The following RBFOX1 variants were observed in gnomAD, a reference collection of about 807,000 sequenced individuals.
RBFOX1 encodes the protein RNA binding protein fox-1 homolog 1.
Under a neutral mutation model 57.7 loss-of-function variants are expected in RBFOX1, and 8 were observed. That is an observed-to-expected ratio of 0.14 (90% confidence interval 0.08 to 0.25). The LOEUF (loss-of-function observed/expected upper bound fraction) is 0.25. Ranked by LOEUF, RBFOX1 falls within the 10% of genes least tolerant of loss-of-function variation. RBFOX1 has a pLI of 1.00. For missense variants in RBFOX1, 611 were observed against 548.5 expected, an observed-to-expected ratio of 1.11 and a Z score of -1.14; for synonymous variants, 326 against 222.4, an observed-to-expected ratio of 1.47 and a Z score of -4.15.
intron 3 of RBFOX1, among the ~76,000 whole-genome samples, chr16:5,681,118 G>T (rs1057117252): frequency 2.0e-5 from 3 of 152,030 alleles, no homozygotes; most frequent in African/African-American, 7.3e-5. Context: ...CTGTCACCCA[G>T]TCTGGAGTGC....
In RBFOX1 at chr16:6,472,067, T is replaced by A. The variant is rs1235024753; in HGVS notation, c.-64+155010T>A. Among the ~76,000 whole-genome samples, 3 of 152,210 alleles carry A rather than the reference T, an allele frequency of 2.0e-5. No homozygotes were observed. The East Asian group carries it at 5.8e-4, about 29-fold the overall frequency. ...CCCCATTCTTTCTCTATATACTGTTTCGCTGACTAGTCATCAGACTCTACC... is the reference window on the plus strand; with the variant it reads ...CCCCATTCTTTCTCTATATACTGTTACGCTGACTAGTCATCAGACTCTACC... On this transcript the variant is annotated intron_variant, in intron 2 of 15. Transcript: ENST00000550418.
intron 4 of RBFOX1, among the ~76,000 whole-genome samples, chr16:7,097,454 G>A (rs1414400024): frequency 1.3e-5 from 2 of 152,280 alleles, no homozygotes; most frequent in South Asian, 2.1e-4. Context: ...AAAGAGAGAA[G>A]AACCCTACAG....
At chr16:6,081,948 C>T (rs1320441630) in intron 1 of RBFOX1, among the ~76,000 whole-genome samples, 6 of 152,084 alleles carry the variant, frequency 3.9e-5, no homozygotes, top group African/African-American at 1.4e-4. Context: ...CTGGGATTTT[C>T]AGGAAGGAGG....
At chr16:6,632,356 A>C (rs1413149479) in intron 2 of RBFOX1, among the ~76,000 whole-genome samples, 1 of 152,082 alleles carries the variant, frequency 6.6e-6, no homozygotes, top group African/African-American at 2.4e-5. Flanking sequence ...AAAAGGTCTG[A>C]ACTTGTTGGA....
At chr16:7,640,270 C>A (rs1270609625) in intron 11 of RBFOX1, among the ~76,000 whole-genome samples, 5 of 152,188 alleles carry the variant, frequency 3.3e-5, no homozygotes, top group Admixed American at 3.3e-4. Flanking sequence ...AACCTCTCAC[C>A]CCCAGTTGTT....
At chr16:6,045,191 C>T (rs1234816803) in intron 1 of RBFOX1, among the ~76,000 whole-genome samples, 1 of 152,130 alleles carries the variant, frequency 6.6e-6, no homozygotes, top group Non-Finnish European at 1.5e-5. Flanking sequence ...AGGGTGGGAC[C>T]TGAGATTCTG....
intron 3 of RBFOX1, among the ~76,000 whole-genome samples, chr16:6,685,808 G>A (rs1307066597): frequency 6.6e-6 from 1 of 152,054 alleles, no homozygotes; most frequent in Non-Finnish European, 1.5e-5. Flanking sequence ...TTCACTCAAT[G>A]TTGTTTTCAT....
At chr16:7,411,695 G>C (rs865790255) in intron 4 of RBFOX1, among the ~76,000 whole-genome samples, 1 of 152,062 alleles carries the variant, frequency 6.6e-6, no homozygotes. Context: ...CCTGAGGTTG[G>C]GAGTTTGAGA....
At chr16:6,679,567 G>T (rs2058299614) in intron 3 of RBFOX1, among the ~76,000 whole-genome samples, 1 of 152,122 alleles carries the variant, frequency 6.6e-6, no homozygotes, top group Non-Finnish European at 1.5e-5. Flanking sequence ...TCTCTTCTAG[G>T]AGGTAGCCTC....
chr16:6,966,234 C>T (rs950500183), intron 3 of RBFOX1, among the ~76,000 whole-genome samples: 1 of 152,096 alleles, frequency 6.6e-6, no homozygotes, highest in Non-Finnish European at 1.5e-5. Context: ...TCACATAGGG[C>T]CACATCCAGG....
intron 1 of RBFOX1, among the ~76,000 whole-genome samples, chr16:5,252,668 T>A (rs1249899296): frequency 6.6e-6 from 1 of 152,238 alleles, no homozygotes; most frequent in Non-Finnish European, 1.5e-5. Context: ...ATGACTTCCC[T>A]GCCATCTCTC....
At chr16:7,035,370 T>A (rs1374522199) in intron 3 of RBFOX1, among the ~76,000 whole-genome samples, 1 of 152,204 alleles carries the variant, frequency 6.6e-6, no homozygotes, top group Non-Finnish European at 1.5e-5. Context: ...TTATCCCTCA[T>A]GATACGGATC....
intron 1 of RBFOX1, among the ~76,000 whole-genome samples, chr16:6,179,302 C>A (rs1207101668): frequency 2.0e-5 from 3 of 152,148 alleles, no homozygotes; most frequent in African/African-American, 7.2e-5. Flanking sequence ...TTTTTGGTAG[C>A]TTTACTTTCT....
chr16:7,490,345 G>T (rs1043285295), intron 4 of RBFOX1, among the ~76,000 whole-genome samples: 6 of 152,186 alleles, frequency 3.9e-5, no homozygotes, highest in South Asian at 2.1e-4. Flanking sequence ...AGCTCTATCA[G>T]GGCTCTATCC....
At chr16:6,023,325 G>A (rs1295871960) in intron 1 of RBFOX1, among the ~76,000 whole-genome samples, 1 of 151,596 alleles carries the variant, frequency 6.6e-6, no homozygotes, top group East Asian at 1.9e-4. Context: ...AGGTCTTCTA[G>A]ACATCCTCAT....
chr16:7,479,142 G>C (rs1284760891), intron 4 of RBFOX1, among the ~76,000 whole-genome samples: 1 of 149,672 alleles, frequency 6.7e-6, no homozygotes, highest in African/African-American at 2.5e-5. Flanking sequence ...TTTAATTTTA[G>C]GGACAGGGTC....
chr16:6,844,465 C>T (rs146406782), intron 3 of RBFOX1, among the ~76,000 whole-genome samples: 20 of 152,216 alleles, frequency 1.3e-4, no homozygotes, highest in South Asian at 4.1e-4. Context: ...TCTGTTCCTG[C>T]GTTAGTTATC....
At chr16:6,387,958 A>G (rs1459343874) in intron 2 of RBFOX1, among the ~76,000 whole-genome samples, 1 of 147,942 alleles carries the variant, frequency 6.8e-6, no homozygotes, top group Non-Finnish European at 1.5e-5. Flanking sequence ...AACCAGTGAC[A>G]TGAAGTTTGT....
intron 4 of RBFOX1, among the ~76,000 whole-genome samples, chr16:7,144,295 C>T (rs2074444874): frequency 6.6e-6 from 1 of 152,202 alleles, no homozygotes; most frequent in South Asian, 2.1e-4. Flanking sequence ...TTGATATATG[C>T]ACAAAGATAA....
Sources: gnomAD v4.1 joint callset for allele counts (sites outside exome capture counted in the v4.1 genomes callset) on GRCh38, gnomAD v4.1.1 for gene constraint, MANE v1.5 for transcripts, NCBI Gene and HGNC (gene_info 2026-07-23, HGNC 2026-07-21) for gene names.